BTG4: variants seen among roughly 807,000 people sequenced by gnomAD.
BTG4 encodes the protein protein BTG4.
A neutral mutation model predicts 19.3 loss-of-function variants in BTG4; 10 were observed. The ratio of observed to expected loss-of-function variants is 0.52; its 90% CI spans 0.32 to 0.88. BTG4 has a LOEUF of 0.88. Among genes scored for constraint, BTG4 ranks in the 40% least tolerant of loss-of-function variants. The pLI is 0.04. For missense variants in BTG4, 238 were observed against 281.9 expected (o/e 0.84, Z 1.11); for synonymous variants, 91 against 95.7 (o/e 0.95, Z 0.29).
At chr11:111,451,574 G>A in the BTG4 span, among the ~76,000 whole-genome samples, 5 of 152,160 alleles carry the variant, frequency 3.3e-5, no homozygotes, top group African/African-American at 1.2e-4. Context: ...AGACCAGCCT[G>A]ACCAACATGG....
At chr11:111,457,220 A>G in the BTG4 span, 51,931 of 152,604 alleles carry the variant, frequency 0.34, 10,605 homozygotes, top group South Asian at 0.61. Flanking sequence ...ACAGGCATCA[A>G]GGTGCCCGTG....
the BTG4 span, among the ~76,000 whole-genome samples, chr11:111,444,638 T>C: frequency 6.6e-6 from 1 of 152,216 alleles, no homozygotes; most frequent in Non-Finnish European, 1.5e-5. Flanking sequence ...GGATATGTTT[T>C]TTGACACATG....
the BTG4 span, chr11:111,434,955 G>C: frequency 6.6e-6 from 1 of 152,344 alleles, no homozygotes; most frequent in Admixed American, 6.5e-5. Context: ...TGCAGAATAA[G>C]ATCTCACCTG....
chr11:111,455,025 A>G, the BTG4 span: 1 of 456,314 alleles, frequency 2.2e-6, no homozygotes, highest in Non-Finnish European at 4.4e-6. Context: ...TGTGGGGAAC[A>G]AGGCGCTGCC....
intron 5 of BTG4, chr11:111,475,038 T>C (rs1432650257): frequency 6.6e-6 from 1 of 152,592 alleles, no homozygotes; most frequent in South Asian, 2.1e-4. Context: ...ATTTCCCCCA[T>C]TTTGTGGACT....
At chr11:111,410,331 C>G in the BTG4 span, among the ~76,000 whole-genome samples, 1 of 152,084 alleles carries the variant, frequency 6.6e-6, no homozygotes, top group East Asian at 1.9e-4. Flanking sequence ...TCTCAAATTA[C>G]TGGGCTCAAG....
At chr11:111,445,396 C>T in the BTG4 span, among the ~76,000 whole-genome samples, 1 of 152,194 alleles carries the variant, frequency 6.6e-6, no homozygotes, top group Admixed American at 6.5e-5. Flanking sequence ...ATCGTGCCAA[C>T]AGGGTCCGGG....
the BTG4 span, among the ~76,000 whole-genome samples, chr11:111,412,225 G>T: frequency 6.6e-6 from 1 of 152,232 alleles, no homozygotes; most frequent in Non-Finnish European, 1.5e-5. Flanking sequence ...GTGATGTGGA[G>T]ATGTTATGGC....
chr11:111,402,120 C>A, the BTG4 span, among the ~76,000 whole-genome samples: 1 of 152,084 alleles, frequency 6.6e-6, no homozygotes, highest in Non-Finnish European at 1.5e-5. Flanking sequence ...CCCATGCTGT[C>A]CTCGTGATAG....
intron 5 of BTG4, among the ~76,000 whole-genome samples, chr11:111,474,289 G>C (rs571681065): frequency 1.3e-5 from 2 of 152,210 alleles, no homozygotes; most frequent in Admixed American, 6.5e-5. Flanking sequence ...ACCAGCCCCA[G>C]ATCAAGAAAT....
chr11:111,448,990 CT>C, the BTG4 span, among the ~76,000 whole-genome samples: 2 of 152,114 alleles, frequency 1.3e-5, no homozygotes, highest in Non-Finnish European at 2.9e-5. Flanking sequence ...CTTTATGTTG[CT>C]TTTTGCCACG....
chr11:111,392,440 A>T, the BTG4 span, among the ~76,000 whole-genome samples: 1 of 151,870 alleles, frequency 6.6e-6, no homozygotes, highest in Non-Finnish European at 1.5e-5. Context: ...GCCTCCCAAA[A>T]TGCTAGGATT....
At chr11:111,416,377 A>G in the BTG4 span, 1 of 151,992 alleles carries the variant, frequency 6.6e-6, no homozygotes, top group Admixed American at 6.6e-5. Context: ...TTTCTTGATT[A>G]GATCGTTACA....
the BTG4 span, among the ~76,000 whole-genome samples, chr11:111,444,979 T>C: frequency 4.6e-5 from 7 of 152,114 alleles, no homozygotes; most frequent in Non-Finnish European, 8.8e-5. Flanking sequence ...ACGGGACAAA[T>C]AGGACATAAG....
the BTG4 span, among the ~76,000 whole-genome samples, chr11:111,431,794 G>A: frequency 6.6e-6 from 1 of 152,188 alleles, no homozygotes; most frequent in Non-Finnish European, 1.5e-5. Flanking sequence ...TTTTCTTCCA[G>A]CACCCAATCA....
At chr11:111,388,024 A>G in the BTG4 span, among the ~76,000 whole-genome samples, 4 of 152,144 alleles carry the variant, frequency 2.6e-5, no homozygotes, top group Non-Finnish European at 5.9e-5. Flanking sequence ...TTTCCATGAT[A>G]CTTCTAAAAA....
chr11:111,478,393 T>C (rs987085073), intron 5 of BTG4, among the ~76,000 whole-genome samples: 1 of 152,132 alleles, frequency 6.6e-6, no homozygotes, highest in South Asian at 2.1e-4. Flanking sequence ...AGGAAACCAG[T>C]TGAAACAAAG....
the BTG4 span, among the ~76,000 whole-genome samples, chr11:111,454,083 C>T: frequency 1.3e-5 from 2 of 152,114 alleles, no homozygotes; most frequent in African/African-American, 4.8e-5. Flanking sequence ...TCCTCAGTAG[C>T]ACTGATGCTC....
the BTG4 span, among the ~76,000 whole-genome samples, chr11:111,436,542 G>A: frequency 6.6e-6 from 1 of 151,526 alleles, no homozygotes. Context: ...AGAGAGAATC[G>A]CTTGAATCTG....
Sources: allele counts gnomAD v4.1 joint callset (sites outside exome capture counted in the v4.1 genomes callset), GRCh38; gene constraint gnomAD v4.1.1; transcripts MANE v1.5; gene names NCBI Gene and HGNC (gene_info 2026-07-23, HGNC 2026-07-21).